Variants in CLNK observed in about 807,000 individuals in gnomAD.
CLNK encodes cytokine-dependent hematopoietic cell linker.
In CLNK, 74 loss-of-function variants were observed where a neutral mutation model predicts 68.6. The ratio of observed to expected loss-of-function variants is 1.08; its 90% CI spans 0.89 to 1.31. The LOEUF (loss-of-function observed/expected upper bound fraction) is 1.31, where lower values mean the gene tolerates loss of function less well. Among genes scored for constraint, CLNK ranks in the 50% most tolerant of loss-of-function variants. The probability of loss-of-function intolerance (pLI) is 0.00; values close to 1 mark genes in which losing one functional copy is unlikely to be tolerated. For missense variants in CLNK, 553 were observed against 515.3 expected (o/e 1.07, Z -0.71); for synonymous variants, 198 against 172.2 (o/e 1.15, Z -1.17).
chr4:10,697,542 T>A, the CLNK span: 3 of 152,148 alleles, frequency 2.0e-5, no homozygotes, highest in African/African-American at 4.8e-5. Context: ...TGGATGACAG[T>A]GTGAGAGAGA....
Position 10,627,755 on chromosome 4 carries a change from T to A in CLNK, c.12-29706A>T, listed in dbSNP as rs79113231. ...ACAGGAGCCACAGGGCTTGGTGATG[T>A]CTGAGAGGTTGGGTTCCCCACTCCC... On this transcript the variant is annotated intron_variant, in intron 2 of 18. Transcript: ENST00000226951. 2.4e-3 allele frequency among the ~76,000 whole-genome samples: 361 copies of A among 152,262 alleles called. 16 individuals are homozygous for A. The East Asian group carries it at 0.064, about 27-fold the overall frequency.
chr4:10,540,728 A>G, intron 10 of CLNK, 124 bp from the exon 11 acceptor site: 1 of 672,976 alleles, frequency 1.5e-6, no homozygotes, highest in South Asian at 1.7e-5. Context: ...TAGTTTTTGG[A>G]TGCTAACTGC....
chr4:10,673,400 A>G (rs1393447399), intron 1 of CLNK, among the ~76,000 whole-genome samples: 1 of 152,116 alleles, frequency 6.6e-6, no homozygotes, highest in East Asian at 1.9e-4. Flanking sequence ...AGAACTTCCA[A>G]CACTACGTTG....
rs57116998 is a variant in CLNK at position 10,680,934 on chromosome 4, A to G, written c.-43+3734T>C. ...GGTGTCCTGTGTAAAGAGTCCAGAC[A>G]GATAAAGCTGATCGGGAGATCCCTA... On this transcript the variant is annotated intron_variant, in intron 1 of 18. Coordinates refer to ENST00000226951, the MANE Select transcript of CLNK (RefSeq NM_052964.4). Among the ~76,000 whole-genome samples the G allele has an allele frequency of 9.0e-3, 1,365 of 152,248 alleles. 26 individuals carry two copies. The highest frequency in any genetic ancestry group is 0.03 in the African/African-American group (1,231 of 41,536).
chr4:10,644,770 A>C (rs1560259604), intron 2 of CLNK, among the ~76,000 whole-genome samples: 2 of 152,262 alleles, frequency 1.3e-5, no homozygotes, highest in Non-Finnish European at 2.9e-5. Flanking sequence ...CACTGACTTC[A>C]TTATGGCTCA....
At chr4:10,650,874 A>G (rs986192817) in intron 2 of CLNK, among the ~76,000 whole-genome samples, 3 of 152,228 alleles carry the variant, frequency 2.0e-5, no homozygotes, top group Admixed American at 1.3e-4. Context: ...AAACAACCTC[A>G]TGAAAAAGTA....
At chr4:10,727,340 G>A in the CLNK span, among the ~76,000 whole-genome samples, 1 of 152,146 alleles carries the variant, frequency 6.6e-6, no homozygotes, top group Non-Finnish European at 1.5e-5. Flanking sequence ...AAAATTCCGT[G>A]GTGGAACACA....
chr4:10,605,606 G>T (rs1404790501), intron 2 of CLNK, among the ~76,000 whole-genome samples: 4 of 152,068 alleles, frequency 2.6e-5, no homozygotes, highest in Non-Finnish European at 4.4e-5. Flanking sequence ...AAGGTGGGTA[G>T]ATCATAAGGT....
At chr4:10,503,552 T>TA (rs1167899263) in intron 17 of CLNK, among the ~76,000 whole-genome samples, 2 of 148,492 alleles carry the variant, frequency 1.3e-5, no homozygotes, top group East Asian at 3.9e-4. Flanking sequence ...TTATATAGAT[T>TA]TTATAATAGC....
At chr4:10,519,348 G>C (rs16869474) in intron 15 of CLNK, among the ~76,000 whole-genome samples, 68,873 of 151,878 alleles carry the variant, frequency 0.45, 15,905 homozygotes, top group Non-Finnish European at 0.5. Flanking sequence ...TAAGATTCTG[G>C]ATTTCTCTCT....
At chr4:10,586,270 T>C (rs1173099167) in intron 3 of CLNK, among the ~76,000 whole-genome samples, 3 of 152,240 alleles carry the variant, frequency 2.0e-5, no homozygotes, top group East Asian at 3.9e-4. Flanking sequence ...GTCCTAACTA[T>C]GTAAAATGCT....
rs990903333 is a variant in CLNK, at chr4:10,488,475, A to G, written c.*1992T>C. 6.6e-6 allele frequency: 1 copy of G among 152,206 alleles called. No individual in the cohort carries two copies. Among genetic ancestry groups the G allele is most frequent in the Non-Finnish European group, 1.5e-5 (1 of 68,038 alleles). 9.4% of individuals were successfully genotyped at this position (152,206 alleles called of 1,614,324 possible). A position where few individuals can be genotyped will look rare whatever the true frequency, so the allele number is the denominator to read the frequency against. Reference sequence around the variant, plus strand: ...TTTCCATACTGTCCCTGGCTTGTTGAATTCCAGTAGAGAATGACCAGCAAC... The same window carrying G: ...TTTCCATACTGTCCCTGGCTTGTTGGATTCCAGTAGAGAATGACCAGCAAC... On this transcript the variant is annotated 3_prime_UTR_variant, in exon 19 of 19. Coordinates refer to ENST00000226951, the MANE Select transcript of CLNK (RefSeq NM_052964.4).
At chr4:10,677,952 C>T (rs1185771290) in intron 1 of CLNK, among the ~76,000 whole-genome samples, 1 of 152,076 alleles carries the variant, frequency 6.6e-6, no homozygotes, top group Non-Finnish European at 1.5e-5. Context: ...CTAGATTTTT[C>T]AGCATTGAAC....
At chr4:10,584,268 T>C (rs1395713154) in intron 4 of CLNK, among the ~76,000 whole-genome samples, 1 of 152,226 alleles carries the variant, frequency 6.6e-6, no homozygotes, top group Non-Finnish European at 1.5e-5. Context: ...ATGCCTTTGC[T>C]GATTACATAA....
At chr4:10,642,261 C>T (rs781516849) in intron 2 of CLNK, among the ~76,000 whole-genome samples, 2 of 152,206 alleles carry the variant, frequency 1.3e-5, no homozygotes, top group Non-Finnish European at 2.9e-5. Context: ...ACATGTCTGA[C>T]AAGTCTCAGA....
At chr4:10,590,093 C>G (rs945103841) in intron 3 of CLNK, among the ~76,000 whole-genome samples, 1 of 152,200 alleles carries the variant, frequency 6.6e-6, no homozygotes, top group Non-Finnish European at 1.5e-5. Flanking sequence ...GGTGTCAACA[C>G]TGTGGCAAGA....
At chr4:10,633,516 G>A (rs1722968200) in intron 2 of CLNK, among the ~76,000 whole-genome samples, 2 of 152,170 alleles carry the variant, frequency 1.3e-5, no homozygotes, top group African/African-American at 4.8e-5. Flanking sequence ...ATTTAATTGT[G>A]ATCATGGTTT....
At chr4:10,584,696 C>T (rs1299004056) in intron 4 of CLNK, among the ~76,000 whole-genome samples, 1 of 152,196 alleles carries the variant, frequency 6.6e-6, no homozygotes, top group East Asian at 1.9e-4. Flanking sequence ...CAAAGCTGCA[C>T]AGCTAAGTAG....
intron 2 of CLNK, among the ~76,000 whole-genome samples, chr4:10,624,451 C>T (rs1722584051): frequency 1.3e-5 from 2 of 152,180 alleles, no homozygotes; most frequent in South Asian, 4.1e-4. Context: ...CGCCACCACG[C>T]CCGGCTAATT....
Sources: allele counts gnomAD v4.1 joint callset (sites outside exome capture counted in the v4.1 genomes callset), GRCh38; gene constraint gnomAD v4.1.1; transcripts MANE v1.5; gene names NCBI Gene and HGNC (gene_info 2026-07-23, HGNC 2026-07-21).